Variants in WWTR1 observed in about 807,000 individuals in gnomAD.
WWTR1 encodes the protein WW domain containing transcription regulator 1.
A neutral mutation model predicts 40.1 loss-of-function variants in WWTR1; 13 were observed. The observed-to-expected ratio is 0.32, with a 90% CI of 0.21 to 0.52. The LOEUF (loss-of-function observed/expected upper bound fraction) is 0.52. WWTR1 is among the 20% of genes least tolerant of loss of function. The pLI is 0.97. For missense variants in WWTR1, 436 were observed against 523.1 expected (o/e 0.83, Z 1.63); for synonymous variants, 230 against 210.1 (o/e 1.09, Z -0.82).
chr3:149,659,741 G>A (rs1330964066), upstream of WWTR1: 2 of 151,976 alleles, frequency 1.3e-5, no homozygotes, highest in South Asian at 2.1e-4. Flanking sequence ...GTTTTGCCTC[G>A]GAAAAGGTAG....
intron 1 of WWTR1, among the ~76,000 whole-genome samples, chr3:149,674,536 G>A (rs1373894210): frequency 2.0e-5 from 3 of 151,614 alleles, no homozygotes; most frequent in Non-Finnish European, 1.5e-5. Flanking sequence ...GCAGTGAGCC[G>A]TGATCATACC....
Position 149,518,682 on chromosome 3 carries a change from C to G in WWTR1, c.*2123G>C, listed in dbSNP as rs1367935415. 1.3e-5 allele frequency: 2 copies of G among 152,016 alleles called. No individual in the cohort carries two copies. The highest frequency in any genetic ancestry group is 4.8e-5 in the African/African-American group (2 of 41,402). 9.4% of individuals were successfully genotyped at this position (152,016 alleles called of 1,614,324 possible). A position where few individuals can be genotyped will look rare whatever the true frequency, so the allele number is the denominator to read the frequency against. ...GTGATGGAGGCAACAGCAGGCTACGCTCTTGTCTGCCTGTACGCTCAGCAT... is the reference window on the plus strand; with the variant it reads ...GTGATGGAGGCAACAGCAGGCTACGGTCTTGTCTGCCTGTACGCTCAGCAT... On this transcript the variant is annotated 3_prime_UTR_variant, in exon 7 of 7. Coordinates refer to ENST00000360632, the MANE Select transcript of WWTR1 (RefSeq NM_015472.6).
At chr3:149,684,728 T>G (rs1386499365) in intron 1 of WWTR1, among the ~76,000 whole-genome samples, 1 of 152,108 alleles carries the variant, frequency 6.6e-6, no homozygotes, top group Non-Finnish European at 1.5e-5. Flanking sequence ...CACACCCAGC[T>G]AATTTTTGTA....
rs577958396 is a variant in WWTR1 at position 149,639,850 on chromosome 3, C to G, written c.431+17026G>C. Among the ~76,000 whole-genome samples the G allele has an allele frequency of 7.2e-5, 11 of 151,920 alleles. No individual in the cohort carries two copies. The East Asian group carries it at 1.5e-3, about 21-fold the overall frequency. ...CTACTAAAAAATACAAAAAAATACC[C>G]AGGCGTGGTGGTGGGCACTTGTAGT... On this transcript the variant is annotated intron_variant, in intron 2 of 6. Coordinates refer to ENST00000360632, the MANE Select transcript of WWTR1 (RefSeq NM_015472.6).
intron 5 of WWTR1, among the ~76,000 whole-genome samples, chr3:149,527,583 T>C (rs1446058283): frequency 6.6e-6 from 1 of 152,212 alleles, no homozygotes; most frequent in African/African-American, 2.4e-5. Context: ...TATAAGTTCA[T>C]GCCCATTTTC....
At chr3:149,606,074 T>C (rs1197543205) in intron 2 of WWTR1, among the ~76,000 whole-genome samples, 8 of 152,202 alleles carry the variant, frequency 5.3e-5, no homozygotes, top group Non-Finnish European at 7.3e-5. Flanking sequence ...TTCTACCATA[T>C]GATGACTCGG....
intron 1 of WWTR1, among the ~76,000 whole-genome samples, chr3:149,699,166 A>G (rs928971854): frequency 1.3e-5 from 2 of 152,200 alleles, no homozygotes; most frequent in African/African-American, 4.8e-5. Flanking sequence ...TTTTAAATGT[A>G]AGTTCCAACT....
intron 2 of WWTR1, among the ~76,000 whole-genome samples, chr3:149,574,197 A>AT (rs200690584): frequency 2.0e-5 from 3 of 151,558 alleles, no homozygotes; most frequent in Non-Finnish European, 4.4e-5. Flanking sequence ...CACCTGGCTC[A>AT]TTTTTTTTAA....
At chr3:149,525,928 T>G (rs77504578) in intron 6 of WWTR1, 85 bp downstream of exon 6, 65,115 of 764,538 alleles carry the variant, frequency 0.085, 3,366 homozygotes, top group East Asian at 0.2. Flanking sequence ...AAAAATAAAA[T>G]AAAAGAAAAA....
chr3:149,547,944 T>TCA (rs150391375), intron 3 of WWTR1, among the ~76,000 whole-genome samples: 2,575 of 144,944 alleles, frequency 0.018, 76 homozygotes, highest in African/African-American at 0.058. Context: ...AAGGAAAAAA[T>TCA]CACACACACA....
At chr3:149,720,282 A>T (rs1576651873) in intron 4 of WWTR1, among the ~76,000 whole-genome samples, 1 of 152,238 alleles carries the variant, frequency 6.6e-6, no homozygotes, top group East Asian at 1.9e-4. Context: ...ATCTACTTTG[A>T]GCTAAATTAT....
intron 2 of WWTR1, among the ~76,000 whole-genome samples, chr3:149,594,058 G>A (rs528852942): frequency 5.2e-4 from 79 of 152,248 alleles, no homozygotes; most frequent in African/African-American, 1.8e-3. Flanking sequence ...TGTTCAATTT[G>A]TGCAAATTCA....
At chr3:149,638,824 T>C (rs1282550521) in intron 2 of WWTR1, among the ~76,000 whole-genome samples, 4 of 152,192 alleles carry the variant, frequency 2.6e-5, no homozygotes, top group Non-Finnish European at 5.9e-5. Flanking sequence ...TCAGGAATTA[T>C]GGGTAAGGCT....
chr3:149,709,778 C>T (rs1471513204), intron 5 of WWTR1, among the ~76,000 whole-genome samples: 1 of 152,062 alleles, frequency 6.6e-6, no homozygotes, highest in African/African-American at 2.4e-5. Flanking sequence ...GTGGAACATG[C>T]CTGTGATCCC....
At chr3:149,631,894 T>G (rs1392915617) in intron 2 of WWTR1, among the ~76,000 whole-genome samples, 2 of 152,176 alleles carry the variant, frequency 1.3e-5, no homozygotes. Context: ...CATGATACCT[T>G]AATAAAATTG....
intron 1 of WWTR1, among the ~76,000 whole-genome samples, chr3:149,681,456 C>A (rs181085013): frequency 6.6e-6 from 1 of 152,166 alleles, no homozygotes; most frequent in Admixed American, 6.5e-5. Flanking sequence ...TTTAATATAC[C>A]TATTGGCCAT....
chr3:149,599,933 T>C (rs1277814158), intron 2 of WWTR1, among the ~76,000 whole-genome samples: 4 of 152,122 alleles, frequency 2.6e-5, no homozygotes, highest in African/African-American at 4.8e-5. Context: ...CCTGAAAATA[T>C]TCAAAATAAA....
chr3:149,648,845 C>A (rs929005116), intron 2 of WWTR1, among the ~76,000 whole-genome samples: 2 of 152,178 alleles, frequency 1.3e-5, no homozygotes, highest in Non-Finnish European at 2.9e-5. Context: ...TCGAAACCAG[C>A]TCTTTGGCCT....
chr3:149,659,350 T>TTTTTTTTTTTTTTG (rs1713462576), upstream of WWTR1: 1 of 148,488 alleles, frequency 6.7e-6, no homozygotes, highest in Non-Finnish European at 1.5e-5. Flanking sequence ...TTTTTTTTTT[T>TTTTTTTTTTTTTTG]GAGTGACGTC....
Sources: gnomAD v4.1 joint callset for allele counts (sites outside exome capture counted in the v4.1 genomes callset) on GRCh38, gnomAD v4.1.1 for gene constraint, MANE v1.5 for transcripts, NCBI Gene and HGNC (gene_info 2026-07-23, HGNC 2026-07-21) for gene names.